Variants in CUL3 observed in about 807,000 individuals in gnomAD.
CUL3 encodes the protein cullin-3.
In CUL3, 19 loss-of-function variants were observed where a neutral mutation model predicts 89.1. That is an observed-to-expected ratio of 0.21 (90% CI 0.15 to 0.31). The LOEUF is 0.31. Among genes scored for constraint, CUL3 ranks in the 10% least tolerant of loss-of-function variants. CUL3 has a pLI of 1.00. For synonymous variants in CUL3, 351 were observed against 308.4 expected (o/e 1.14, Z -1.45); for missense variants, 469 against 942.3 (o/e 0.50, Z 6.58).
rs1305266949 is a variant in CUL3, at chr2:224,486,166, C to CA, written c.1843-4089dup. Reference sequence around the variant, plus strand: ...CCATGAAGATGAGGAAAACCCAGTGCAAAAAAGATGAAAATTCCAAAAACT... The same window carrying CA: ...CCATGAAGATGAGGAAAACCCAGTGCAAAAAAAGATGAAAATTCCAAAAACT... On this transcript the variant is annotated intron_variant, in intron 13 of 15. Transcript: ENST00000264414. 5.9e-5 allele frequency among the ~76,000 whole-genome samples: 9 copies of CA among 152,294 alleles called. No homozygotes were observed. In the East Asian group the frequency reaches 1.4e-3, roughly 23 times the overall value.
intron 1 of CUL3, chr2:224,569,741 A>G (rs758715651): frequency 8.2e-7 from 1 of 1,217,074 alleles, no homozygotes; most frequent in South Asian, 1.4e-5. Flanking sequence ...AGACAAATTA[A>G]AACTAAATGA....
At chr2:224,516,333 TTTGA>T (rs1266864459) in intron 3 of CUL3, among the ~76,000 whole-genome samples, 1 of 151,282 alleles carries the variant, frequency 6.6e-6, no homozygotes, top group East Asian at 1.9e-4. Context: ...TTTTTTTTTT[TTTGA>T]TATGGGGTGT....
intron 2 of CUL3, among the ~76,000 whole-genome samples, chr2:224,548,341 C>T (rs146791442): frequency 0.013 from 1,965 of 152,290 alleles, 23 homozygotes; most frequent in Middle Eastern, 0.024. Context: ...GGATGAAGCT[C>T]CTCTTATTCT....
rs534676672 is a variant in CUL3 at position 224,536,281 on chromosome 2, G to A, written c.265-640C>T. Among the ~76,000 whole-genome samples the A allele has an allele frequency of 3.3e-5, 5 of 152,248 alleles. No homozygotes were observed. In the East Asian group the frequency reaches 7.7e-4, roughly 23 times the overall value. On this transcript the variant is annotated intron_variant, in intron 2 of 15. Transcript: ENST00000264414. Reference sequence around the variant, plus strand: ...GGCCTCTTTACTAAATACAGCAACTGTGCTCTGCCATTCCTTCTGCCTCAA... The same window carrying A: ...GGCCTCTTTACTAAATACAGCAACTATGCTCTGCCATTCCTTCTGCCTCAA...
chr2:224,578,185 A>C (rs1317776966), intron 1 of CUL3, among the ~76,000 whole-genome samples: 1 of 152,198 alleles, frequency 6.6e-6, no homozygotes, highest in Non-Finnish European at 1.5e-5. Flanking sequence ...TTATGTGTCT[A>C]AATAGTCATA....
intron 13 of CUL3, among the ~76,000 whole-genome samples, chr2:224,487,150 C>T (rs572976670): frequency 6.6e-6 from 1 of 152,240 alleles, no homozygotes; most frequent in African/African-American, 2.4e-5. Context: ...TCGGTACCAG[C>T]CACTGCAAAA....
At chr2:224,521,873 C>T (rs1693279268) in intron 3 of CUL3, among the ~76,000 whole-genome samples, 1 of 151,840 alleles carries the variant, frequency 6.6e-6, no homozygotes, top group Non-Finnish European at 1.5e-5. Flanking sequence ...GCTGGTTAAT[C>T]AAACTCTTAA....
chr2:224,501,451 AC>A (rs771688973), intron 10 of CUL3, among the ~76,000 whole-genome samples: 1 of 152,256 alleles, frequency 6.6e-6, no homozygotes, highest in African/African-American at 2.4e-5. Context: ...ATAAGGCACA[AC>A]AAAAACTCTT....
intron 3 of CUL3, 107 bp from the exon 4 acceptor site, chr2:224,514,879 T>A (rs1043373232): frequency 1.1e-5 from 9 of 796,088 alleles, no homozygotes; most frequent in Non-Finnish European, 1.5e-5. Flanking sequence ...CAATCATTTT[T>A]CAGGTGAGAA....
intron 13 of CUL3, 97 bp from the exon 14 acceptor site, chr2:224,482,175 A>C: frequency 1.2e-6 from 1 of 808,200 alleles, no homozygotes; most frequent in East Asian, 2.9e-5. Context: ...AAAAGAGGTA[A>C]TTCCATTAAA....
At chr2:224,476,876 A>C (rs915316516) in intron 15 of CUL3, among the ~76,000 whole-genome samples, 7 of 152,046 alleles carry the variant, frequency 4.6e-5, no homozygotes, top group Non-Finnish European at 7.4e-5. Flanking sequence ...GAATCCTCTA[A>C]TACTACTCTC....
intron 1 of CUL3, among the ~76,000 whole-genome samples, chr2:224,559,046 ACT>A (rs1415926466): frequency 6.6e-6 from 1 of 151,106 alleles, no homozygotes; most frequent in Non-Finnish European, 1.5e-5. Flanking sequence ...ACAGAGCAAG[ACT>A]CTGTCTCAAA....
intron 2 of CUL3, among the ~76,000 whole-genome samples, 184 bp from the exon 3 acceptor site, chr2:224,535,825 T>A (rs959330573): frequency 6.6e-6 from 1 of 152,254 alleles, no homozygotes; most frequent in Admixed American, 6.5e-5. Context: ...AATGTATATG[T>A]ATAGTACAGA....
intron 13 of CUL3, among the ~76,000 whole-genome samples, chr2:224,488,478 C>G (rs1691828180): frequency 6.6e-6 from 1 of 152,126 alleles, no homozygotes; most frequent in African/African-American, 2.4e-5. Context: ...TCAGGGAATA[C>G]TATAAACACT....
Position 224,536,060 on chromosome 2 carries a change from A to G in CUL3, c.265-419T>C, listed in dbSNP as rs145208232. ...TTTGGAGTCAATTACCTGGGCTCCAATCCCAGCTCCCTAACAAACTGGGTG... is the reference window on the plus strand; with the variant it reads ...TTTGGAGTCAATTACCTGGGCTCCAGTCCCAGCTCCCTAACAAACTGGGTG... On this transcript the variant is annotated intron_variant, in intron 2 of 15. Coordinates refer to ENST00000264414, the MANE Select transcript of CUL3 (RefSeq NM_003590.5). Among the ~76,000 whole-genome samples, 556 of 152,306 alleles carry G rather than the reference A, an allele frequency of 3.7e-3. 8 individuals carry two copies. Among genetic ancestry groups the G allele is most frequent in the Non-Finnish European group, 8.2e-4 (56 of 68,024 alleles).
At chr2:224,577,331 G>A (rs1426062860) in intron 1 of CUL3, among the ~76,000 whole-genome samples, 1 of 152,176 alleles carries the variant, frequency 6.6e-6, no homozygotes, top group Admixed American at 6.5e-5. Flanking sequence ...CACTGTAGGA[G>A]GATGAGGCAG....
intron 2 of CUL3, among the ~76,000 whole-genome samples, chr2:224,555,036 A>C (rs577956730): frequency 9.2e-5 from 14 of 152,204 alleles, no homozygotes; most frequent in Non-Finnish European, 1.6e-4. Context: ...TACGTTACCA[A>C]ATGCCAAATC....
intron 10 of CUL3, among the ~76,000 whole-genome samples, chr2:224,501,774 C>T (rs1309560074): frequency 6.6e-6 from 1 of 152,082 alleles, no homozygotes; most frequent in African/African-American, 2.4e-5. Context: ...AAGGGAGGGT[C>T]ACAAAGTGGA....
intron 3 of CUL3, among the ~76,000 whole-genome samples, chr2:224,529,046 T>C (rs1393010617): frequency 1.3e-5 from 2 of 152,212 alleles, no homozygotes; most frequent in African/African-American, 4.8e-5. Flanking sequence ...TGACATTAAC[T>C]GTAATTGCTT....
Sources: gnomAD v4.1 joint callset for allele counts (sites outside exome capture counted in the v4.1 genomes callset) on GRCh38, gnomAD v4.1.1 for gene constraint, MANE v1.5 for transcripts, NCBI Gene and HGNC (gene_info 2026-07-23, HGNC 2026-07-21) for gene names.